Variants in DYNC2LI1 observed in about 807,000 individuals in gnomAD.
DYNC2LI1 encodes dynein cytoplasmic 2 light intermediate chain 1, also known as cytoplasmic dynein 2 light intermediate chain 1.
Under a neutral mutation model 51.9 loss-of-function variants are expected in DYNC2LI1, and 45 were observed. That is an observed-to-expected ratio of 0.87 (90% CI 0.68 to 1.11). The LOEUF (loss-of-function observed/expected upper bound fraction) is 1.11, where lower values mean the gene tolerates loss of function less well. Among genes scored for constraint, DYNC2LI1 ranks in the 50% most tolerant of loss-of-function variants. The pLI is 0.00. For missense variants in DYNC2LI1, 490 were observed against 417.4 expected (o/e 1.17, Z -1.51); for synonymous variants, 130 against 137.8 (o/e 0.94, Z 0.40).
chr2:43,803,978 A>T (rs1026602175), intron 10 of DYNC2LI1, among the ~76,000 whole-genome samples: 1 of 152,232 alleles, frequency 6.6e-6, no homozygotes. Context: ...TGTTCTTTCC[A>T]ATTTCCTATG....
intron 10 of DYNC2LI1, 90 bp downstream of exon 10, chr2:43,801,799 C>T (rs922403082): frequency 6.6e-6 from 6 of 914,344 alleles, no homozygotes; most frequent in East Asian, 2.6e-5. Context: ...CAACATACTC[C>T]TATTTCTGGT....
At chr2:43,815,314 A>G in the DYNC2LI1 span, among the ~76,000 whole-genome samples, 3 of 152,218 alleles carry the variant, frequency 2.0e-5, no homozygotes, top group African/African-American at 7.2e-5. Context: ...TTCTGTTTGC[A>G]AGGCACTAGT....
intron 7 of DYNC2LI1, among the ~76,000 whole-genome samples, chr2:43,796,455 A>G (rs778146907): frequency 2.0e-5 from 3 of 152,232 alleles, no homozygotes; most frequent in Non-Finnish European, 4.4e-5. Context: ...GAATCGTTAG[A>G]ATTCCACACT....
chr2:43,804,769 G>C lies in DYNC2LI1; in HGVS notation c.900+30G>C, dbSNP rs754035028. 2.8e-6 allele frequency: 4 copies of C among 1,431,398 alleles called. No homozygotes were observed. In the African/African-American group the frequency reaches 5.7e-5, roughly 20 times the overall value. The allele number at this position is 1,431,398 out of a possible 1,614,324, so 88.7% of individuals were successfully genotyped here. ...ATATTTCTAATTTTTTTAAAAGCAA[G>C]ACTTTTAGCACTGTCTAACAGTTAT... is the stretch of plus-strand genomic sequence containing the variant. On this transcript the variant is annotated intron_variant, in intron 11 of 12. Transcript: ENST00000260605.
At chr2:43,818,993 A>G in the DYNC2LI1 span, among the ~76,000 whole-genome samples, 1 of 152,218 alleles carries the variant, frequency 6.6e-6, no homozygotes, top group Non-Finnish European at 1.5e-5. Flanking sequence ...CAGCCTTCAT[A>G]GTGGTGTGAC....
At chr2:43,776,498 C>G (rs1037312199) in intron 1 of DYNC2LI1, among the ~76,000 whole-genome samples, 1 of 152,170 alleles carries the variant, frequency 6.6e-6, no homozygotes, top group African/African-American at 2.4e-5. Context: ...ACATACACAG[C>G]TATGAACCGT....
chr2:43,813,104 C>G (rs1250409930), downstream of DYNC2LI1: 8 of 1,049,216 alleles, frequency 7.6e-6, no homozygotes, highest in Non-Finnish European at 7.5e-6. Context: ...ATTTTCCCAG[C>G]CATGGCTTTC....
the DYNC2LI1 span, chr2:43,828,155 G>A: frequency 6.2e-7 from 1 of 1,613,006 alleles, no homozygotes; most frequent in African/African-American, 1.3e-5. Context: ...GGGAGTCTCT[G>A]TGGCTGCTAT....
the DYNC2LI1 span, chr2:43,819,798 T>C: frequency 1.8e-6 from 2 of 1,097,050 alleles, no homozygotes; most frequent in African/African-American, 3.1e-5. Context: ...CTCTAGACTA[T>C]AAGGTAATAT....
chr2:43,796,513 C>T (rs1156780449), intron 7 of DYNC2LI1, among the ~76,000 whole-genome samples: 3 of 152,084 alleles, frequency 2.0e-5, no homozygotes, highest in Admixed American at 6.6e-5. Flanking sequence ...AGTATTTAAA[C>T]AAAGAAAGAT....
At chr2:43,804,522 T>C (rs1008547670) in intron 10 of DYNC2LI1, 120 bp from the exon 11 acceptor site, 5 of 661,870 alleles carry the variant, frequency 7.6e-6, no homozygotes, top group Non-Finnish European at 1.3e-5. Context: ...GTGACTATAT[T>C]AAGGAGAGGG....
At chr2:43,825,587 T>TTTGTTGTTGTTTTGTTGTTA in the DYNC2LI1 span, among the ~76,000 whole-genome samples, 10 of 151,542 alleles carry the variant, frequency 6.6e-5, no homozygotes, top group African/African-American at 2.4e-4. Flanking sequence ...CTTGGCTTAA[T>TTTGTTGTTGTTTTGTTGTTA]TTGTTGTTGT....
intron 2 of DYNC2LI1, among the ~76,000 whole-genome samples, chr2:43,782,187 T>C (rs1021389937): frequency 9.2e-5 from 14 of 152,210 alleles, no homozygotes; most frequent in Admixed American, 9.2e-4. Flanking sequence ...ATAATTAATT[T>C]AGCCAGTAGG....
chr2:43,795,857 TACA>T (rs766761080), intron 6 of DYNC2LI1, 30 bp from the exon 7 acceptor site: 1 of 1,564,324 alleles, frequency 6.4e-7, no homozygotes, highest in Non-Finnish European at 8.8e-7. Flanking sequence ...AATAAAGAAT[TACA>T]ACAACTCAAG....
intron 3 of DYNC2LI1, among the ~76,000 whole-genome samples, chr2:43,785,687 T>C (rs995078558): frequency 4.6e-5 from 7 of 151,112 alleles, no homozygotes; most frequent in African/African-American, 1.7e-4. Flanking sequence ...TGACCCAAGA[T>C]TGTGCCACTG....
At chr2:43,813,713 T>A (rs1317823441), downstream of DYNC2LI1, among the ~76,000 whole-genome samples, 40 of 115,314 alleles carry the variant, frequency 3.5e-4, 1 homozygote, top group African/African-American at 1.3e-3. Context: ...TTTTTCGTTT[T>A]TTTTTTTTTT....
chr2:43,794,816 C>T (rs1021366792), intron 6 of DYNC2LI1, 173 bp downstream of exon 6: 5 of 1,464,406 alleles, frequency 3.4e-6, no homozygotes, highest in Admixed American at 2.6e-5. Flanking sequence ...AAGAGCAAAA[C>T]AAGGAAGAAG....
chr2:43,825,710 G>A, the DYNC2LI1 span, among the ~76,000 whole-genome samples: 3 of 151,170 alleles, frequency 2.0e-5, no homozygotes, highest in East Asian at 6.0e-4. Flanking sequence ...GGGTTCAAGC[G>A]ATTCTCCTGC....
chr2:43,814,472 C>T (rs766272756), downstream of DYNC2LI1: 3 of 1,572,340 alleles, frequency 1.9e-6, no homozygotes, highest in East Asian at 2.2e-5. Context: ...AAATAGAATA[C>T]TTACCACAAG....
Sources: allele counts gnomAD v4.1 joint callset (sites outside exome capture counted in the v4.1 genomes callset), GRCh38; gene constraint gnomAD v4.1.1; transcripts MANE v1.5; gene names NCBI Gene and HGNC (gene_info 2026-07-23, HGNC 2026-07-21).